Variants in PCOLCE2 observed in about 807,000 individuals in gnomAD.
The protein encoded by PCOLCE2 is procollagen C-proteinase enhancer 2.
A neutral mutation model predicts 47.0 loss-of-function variants in PCOLCE2; 42 were observed. That is an observed-to-expected ratio of 0.89 (90% CI 0.70 to 1.16). PCOLCE2 has a LOEUF of 1.16. Among genes scored for constraint, PCOLCE2 ranks in the 50% most tolerant of loss-of-function variants. The pLI is 0.00. For synonymous variants in PCOLCE2, 169 were observed against 191.7 expected (o/e 0.88, Z 0.98); for missense variants, 500 against 526.1 (o/e 0.95, Z 0.49).
At chr3:142,843,171 G>A in intron 3 of PCOLCE2, 123 bp from the exon 4 acceptor site, 1 of 924,346 alleles carries the variant, frequency 1.1e-6, no homozygotes, top group Non-Finnish European at 1.8e-6. Context: ...AACAGCAGAA[G>A]CGCTTACATT....
At chr3:142,849,970 T>C (rs1316822874) in intron 2 of PCOLCE2, among the ~76,000 whole-genome samples, 2 of 152,198 alleles carry the variant, frequency 1.3e-5, no homozygotes, top group Non-Finnish European at 1.5e-5. Context: ...ATCGTAGAAA[T>C]TATAATGGCG....
Position 142,818,196 on chromosome 3 carries a change from T to G in PCOLCE2, c.*139A>C, listed in dbSNP as rs75079290. The stretch of plus-strand genomic sequence containing the variant: ...TCTCGGAGGCCTCATACCTCCATCA[T>G]GTGAAGAGTCAACCAGTCCCATCTT... On this transcript the variant is annotated 3_prime_UTR_variant, in exon 9 of 9. Transcript: ENST00000295992. The G allele has an allele frequency of 2.6e-4, 199 of 758,504 alleles. 3 individuals carry two copies. In the East Asian group the frequency reaches 5.4e-3, roughly 20 times the overall value. 47.0% of individuals were successfully genotyped at this position (758,504 alleles called of 1,614,324 possible).
At chr3:142,825,246 C>T (rs1382837071) in intron 6 of PCOLCE2, among the ~76,000 whole-genome samples, 1 of 152,090 alleles carries the variant, frequency 6.6e-6, no homozygotes, top group East Asian at 1.9e-4. Flanking sequence ...TCTCAGCCTC[C>T]GAAGGTCAGT....
At chr3:142,849,873 G>A (rs1937370700) in intron 2 of PCOLCE2, among the ~76,000 whole-genome samples, 1 of 152,220 alleles carries the variant, frequency 6.6e-6, no homozygotes, top group Non-Finnish European at 1.5e-5. Context: ...ATGTTGGTAA[G>A]TACAGTGCCA....
chr3:142,847,616 G>A (rs1273649030), intron 3 of PCOLCE2, among the ~76,000 whole-genome samples: 1 of 152,156 alleles, frequency 6.6e-6, no homozygotes, highest in Non-Finnish European at 1.5e-5. Flanking sequence ...GGTCACTGCA[G>A]CAGTGACCTC....
chr3:142,880,319 G>T (rs929470315), intron 2 of PCOLCE2, among the ~76,000 whole-genome samples: 2 of 151,064 alleles, frequency 1.3e-5, no homozygotes, highest in African/African-American at 2.4e-5. Context: ...TTAAAGCCAA[G>T]AAATATGTGT....
chr3:142,850,154 C>T (rs1459513640), intron 2 of PCOLCE2, among the ~76,000 whole-genome samples: 1 of 151,648 alleles, frequency 6.6e-6, no homozygotes, highest in African/African-American at 2.4e-5. Context: ...TGTTGTAAAA[C>T]TTCCTGTCTT....
intron 2 of PCOLCE2, among the ~76,000 whole-genome samples, chr3:142,858,650 A>G (rs1282849757): frequency 6.6e-6 from 1 of 152,136 alleles, no homozygotes; most frequent in Non-Finnish European, 1.5e-5. Context: ...AGATGGCACC[A>G]ACAGTTTGTT....
chr3:142,829,846 C>T lies in PCOLCE2; in HGVS notation c.711G>A (p.Ala237=), dbSNP rs1937125862. ...GTTCATTTCTCTCAGACACAATTGG[C>T]CTAAAAAAAGAAAAATGTGTTTTTT... ...IGKYCGDSPP[A]PIVSERNELL... is the part of the protein sequence containing the mutation. Residue 237 remains alanine, a splice_region_variant and synonymous_variant, in exon 6 of 9, where the codon GCG becomes GCA. Coordinates refer to ENST00000295992, the MANE Select transcript of PCOLCE2 (RefSeq NM_013363.4). 4.5e-6 allele frequency: 7 copies of T among 1,545,754 alleles called. No homozygotes were observed. Among genetic ancestry groups the T allele is most frequent in the South Asian group, 2.5e-5 (2 of 80,162 alleles).
At chr3:142,871,857 TATATAC>T (rs1165823524) in intron 2 of PCOLCE2, among the ~76,000 whole-genome samples, 3 of 152,234 alleles carry the variant, frequency 2.0e-5, no homozygotes, top group Non-Finnish European at 4.4e-5. Flanking sequence ...TACATATTTT[TATATAC>T]ATATACATAA....
In PCOLCE2 at chr3:142,829,749, T is replaced by C. The variant is rs1183213049; in HGVS notation, c.808A>G (p.Lys270Glu). Residue 270 changes from lysine to glutamate, a missense_variant, in exon 6 of 9, where the codon AAA becomes GAA. Physicochemically the swap from Lys to Glu is moderately conservative, Grantham distance 56. Transcript: ENST00000295992. ...GFIGHYIFRP[K>E]KLPTTTEQPV... ...TGTTCTGTAGTTGTAGGCAGTTTTT[T>C]TGGCCTGAATATGTAGTGACCAATA... 2 of 1,610,926 alleles carry C rather than the reference T, an allele frequency of 1.2e-6. No individual in the cohort carries two copies. Among genetic ancestry groups the C allele is most frequent in the South Asian group, 2.2e-5 (2 of 90,394 alleles).
rs145666798 is a variant in PCOLCE2, at chr3:142,838,565, T to C, written c.710+205A>G. 6.8e-4 allele frequency among the ~76,000 whole-genome samples: 104 copies of C among 152,308 alleles called. 1 individual carries two copies. The East Asian group carries it at 0.02, about 29-fold the overall frequency. On this transcript the variant is annotated intron_variant, in intron 5 of 8. Transcript: ENST00000295992. Reference sequence around the variant, plus strand: ...GCTTCCTGTACAACATGCAGAACCCTGAGCCAATTAAACCTCTTTTTTTAA... The same window carrying C: ...GCTTCCTGTACAACATGCAGAACCCCGAGCCAATTAAACCTCTTTTTTTAA...
At chr3:142,837,160 G>A (rs1184820643) in intron 5 of PCOLCE2, among the ~76,000 whole-genome samples, 1 of 152,242 alleles carries the variant, frequency 6.6e-6, no homozygotes, top group Non-Finnish European at 1.5e-5. Context: ...CATGCAGGCA[G>A]ACTCTAGAAG....
At chr3:142,853,831 T>C (rs1933004800) in intron 2 of PCOLCE2, among the ~76,000 whole-genome samples, 1 of 152,196 alleles carries the variant, frequency 6.6e-6, no homozygotes, top group Non-Finnish European at 1.5e-5. Context: ...GATTTGGGGA[T>C]TCATTATCTG....
At chr3:142,831,633 A>G (rs919974508) in intron 5 of PCOLCE2, among the ~76,000 whole-genome samples, 1 of 152,236 alleles carries the variant, frequency 6.6e-6, no homozygotes, top group African/African-American at 2.4e-5. Context: ...AAATAAATAA[A>G]AACAATGCAC....
intron 3 of PCOLCE2, 135 bp downstream of exon 3, chr3:142,848,082 G>T (rs1361967816): frequency 1.3e-6 from 1 of 785,378 alleles, no homozygotes; most frequent in Non-Finnish European, 2.0e-6. Flanking sequence ...TTTTGTATTG[G>T]TCTCATCATG....
At chr3:142,856,225 G>C (rs562028129) in intron 2 of PCOLCE2, among the ~76,000 whole-genome samples, 4 of 152,214 alleles carry the variant, frequency 2.6e-5, no homozygotes, top group Admixed American at 2.0e-4. Context: ...AGATGATTTG[G>C]AGCAACCACA....
At chr3:142,864,337 G>T (rs1933240446) in intron 2 of PCOLCE2, 1 of 148,236 alleles carries the variant, frequency 6.7e-6, no homozygotes, top group Non-Finnish European at 1.5e-5. Context: ...TCTTAAAATT[G>T]AGAGTCTTCG....
intron 2 of PCOLCE2, among the ~76,000 whole-genome samples, chr3:142,860,576 T>C (rs1181448797): frequency 6.6e-6 from 1 of 152,106 alleles, no homozygotes; most frequent in East Asian, 1.9e-4. Context: ...GCCCAGCTAA[T>C]TTTGTACTTT....
Sources: gnomAD v4.1 joint callset for allele counts (sites outside exome capture counted in the v4.1 genomes callset) on GRCh38, gnomAD v4.1.1 for gene constraint, MANE v1.5 for transcripts, NCBI Gene and HGNC (gene_info 2026-07-23, HGNC 2026-07-21) for gene names.